The following ULBP3 variants were observed in gnomAD, a reference collection of about 807,000 sequenced individuals.
ULBP3 encodes UL16-binding protein 3.
In ULBP3, 25 loss-of-function variants were observed where a neutral mutation model predicts 24.9. That is an observed-to-expected ratio of 1.00 (90% CI 0.73 to 1.40). The LOEUF is 1.40. Ranked by LOEUF, ULBP3 falls within the 40% of genes most tolerant of loss-of-function variation. The probability of loss-of-function intolerance (pLI) is 0.00; values close to 1 mark genes in which losing one functional copy is unlikely to be tolerated. For missense variants in ULBP3, 306 were observed against 307.5 expected (o/e 1.00, Z 0.04); for synonymous variants, 114 against 114.7 (o/e 0.99, Z 0.04).
At chr6:150,068,307 G>A (rs186012215) in intron 1 of ULBP3, among the ~76,000 whole-genome samples, 136 of 152,234 alleles carry the variant, frequency 8.9e-4, no homozygotes, top group African/African-American at 3.1e-3. Context: ...CCACAGGCAG[G>A]GTAGGACACA....
At chr6:150,068,891 A>G in intron 1 of ULBP3, 88 bp downstream of exon 1, 1 of 1,372,758 alleles carries the variant, frequency 7.3e-7, no homozygotes, top group Non-Finnish European at 9.8e-7. Context: ...CGGTCCTTCT[A>G]GAAGGCTTCC....
At position 150,069,003 on chromosome 6, in the gene ULBP3, C is replaced by A; in HGVS notation, c.64G>T (p.Asp22Tyr). 1 of 1,612,132 alleles carries A rather than the reference C, an allele frequency of 6.2e-7. No individual in the cohort carries two copies. The change falls in exon 1 of 5, where the codon GAC (aspartate) becomes TAC (tyrosine). Residue 22 changes from aspartate to tyrosine, a missense_variant. By Grantham distance (160) the Asp-to-Tyr change is radical. Transcript: ENST00000367339. ...RLAILPYLLF[D>Y]WSGTGRADAH... ...CCGGCCCGCCCCGTCCCGGACCAGT[C>A]GAATAGCAGGTACGGAAGAATCGCG... is the stretch of plus-strand genomic sequence containing the variant.
chr6:150,064,521 C>G (rs1393647289), intron 4 of ULBP3, 64 bp downstream of exon 4: 10 of 1,453,636 alleles, frequency 6.9e-6, no homozygotes, highest in Admixed American at 1.7e-5. Flanking sequence ...TGGAAATTCT[C>G]CTTTCCCTTC....
At position 150,062,290 on chromosome 6, in the gene ULBP3, A is replaced by G. The variant is rs1440936915; in HGVS notation, c.*1084T>C. On this transcript the variant is annotated 3_prime_UTR_variant, in exon 5 of 5. Transcript: ENST00000367339. ...TTGTTTTTAGTGTCTTCTTCATGAA[A>G]TCTTTGCCAGGCCCTATGTCCACAT... Among the ~76,000 whole-genome samples the G allele has an allele frequency of 6.6e-6, 1 of 152,146 alleles. No individual in the cohort carries two copies. The highest frequency in any genetic ancestry group is 1.5e-5 in the Non-Finnish European group (1 of 68,014).
rs533399803 is a variant in ULBP3 at position 150,068,822 on chromosome 6, C to T, written c.88+157G>A. ...CAAGCAGCAGCCGCAGGAAGCGGACCTGGCGAAAAAGAGCAGCGAATCGGA... is the reference window on the plus strand; with the variant it reads ...CAAGCAGCAGCCGCAGGAAGCGGACTTGGCGAAAAAGAGCAGCGAATCGGA... On this transcript the variant is annotated intron_variant, in intron 1 of 4. Transcript: ENST00000367339. 2.0e-5 allele frequency among the ~76,000 whole-genome samples: 3 copies of T among 152,354 alleles called. No individual in the cohort carries two copies. In the South Asian group the frequency reaches 6.2e-4, roughly 32 times the overall value.
chr6:150,065,336 A>G, intron 3 of ULBP3, 62 bp downstream of exon 3: 1 of 1,594,680 alleles, frequency 6.3e-7, no homozygotes, highest in Middle Eastern at 1.7e-4. Flanking sequence ...TCAGACACTG[A>G]CAGACAAGGG....
intron 1 of ULBP3, among the ~76,000 whole-genome samples, chr6:150,067,421 G>C (rs145336283): frequency 6.6e-6 from 1 of 152,156 alleles, no homozygotes; most frequent in Admixed American, 6.5e-5. Flanking sequence ...TGTGTGATCC[G>C]AGCTCTTCCC....
intron 4 of ULBP3, among the ~76,000 whole-genome samples, chr6:150,064,021 G>A (rs1776310048): frequency 6.6e-6 from 1 of 152,286 alleles, no homozygotes; most frequent in Non-Finnish European, 1.5e-5. Context: ...TCCTGGACAC[G>A]CTCTACTCTT....
Position 150,069,092 on chromosome 6 carries a change from A to T in ULBP3, c.-26T>A, listed in dbSNP as rs780049513. On this transcript the variant is annotated 5_prime_UTR_variant, in exon 1 of 5. Transcript: ENST00000367339. ...TGTAGACCAGGAGCGCCCGGGACAC[A>T]AGGCGCAGTCGATGTGGAGACCAGC... The T allele has an allele frequency of 6.2e-7, 1 of 1,603,800 alleles. No homozygotes were observed. Among genetic ancestry groups the T allele is most frequent in the East Asian group, 2.2e-5 (1 of 44,560 alleles).
intron 4 of ULBP3, among the ~76,000 whole-genome samples, chr6:150,063,808 A>G (rs1374570012): frequency 6.6e-6 from 1 of 152,138 alleles, no homozygotes; most frequent in East Asian, 1.9e-4. Context: ...GCCCTGCCCC[A>G]TTCATTCCTG....
intron 3 of ULBP3, 29 bp downstream of exon 3, chr6:150,065,369 C>T: frequency 6.2e-7 from 1 of 1,611,124 alleles, no homozygotes; most frequent in Non-Finnish European, 8.5e-7. Flanking sequence ...GCATCTCCAA[C>T]ATGCTCCCAG....
At position 150,068,897 on chromosome 6, in the gene ULBP3, C is replaced by A. The variant is rs562539605; in HGVS notation, c.88+82G>T. ...AGATCGCGCCGGTCCTTCTAGAAGG[C>A]TTCCCTCCTCTGAAACCCGCTGCAG... On this transcript the variant is annotated intron_variant, in intron 1 of 4. Transcript: ENST00000367339. 2.0e-3 allele frequency: 2,845 copies of A among 1,406,064 alleles called. 4 individuals are homozygous for A. The highest frequency in any genetic ancestry group is 3.0e-3 in the Admixed American group (123 of 41,554). The allele number at this position is 1,406,064 out of a possible 1,614,324, so 87.1% of individuals were successfully genotyped here. A position where few individuals can be genotyped will look rare whatever the true frequency, so the allele number is the denominator to read the frequency against.
chr6:150,068,631 C>G (rs1776382085), intron 1 of ULBP3, among the ~76,000 whole-genome samples: 1 of 152,230 alleles, frequency 6.6e-6, no homozygotes, highest in African/African-American at 2.4e-5. Flanking sequence ...TGTCTTGACC[C>G]CAGCTCGGGT....
At chr6:150,066,197 G>A (rs771596350) in intron 1 of ULBP3, 35 bp from the exon 2 acceptor site, 1 of 1,600,904 alleles carries the variant, frequency 6.2e-7, no homozygotes, top group South Asian at 1.1e-5. Flanking sequence ...AGAGAGTGTT[G>A]GGGTGGGGGA....
At position 150,065,647 on chromosome 6, in the gene ULBP3, A is replaced by T. The variant is rs200023001; in HGVS notation, c.379T>A (p.Ser127Thr). The T allele has an allele frequency of 1.9e-6, 3 of 1,614,194 alleles. No individual in the cohort carries two copies. Among genetic ancestry groups the T allele is most frequent in the Admixed American group, 1.7e-5 (1 of 60,022 alleles). ...TATCCATCGGCTTCACACTCACAAGACATCCTGACCTGCAGCGTGAGGGGT... is the reference window on the plus strand; with the variant it reads ...TATCCATCGGCTTCACACTCACAAGTCATCCTGACCTGCAGCGTGAGGGGT... ...SGPLTLQVRM[S>T]CECEADGYIR... The change falls in exon 3 of 5, where the codon TCT (serine) becomes ACT (threonine). Residue 127 changes from serine to threonine, a missense_variant. Transcript: ENST00000367339.
rs1019440678 is a variant in ULBP3 at position 150,062,947 on chromosome 6, A to G, written c.*427T>C. 1.3e-4 allele frequency among the ~76,000 whole-genome samples: 19 copies of G among 151,624 alleles called. No homozygotes were observed. Among genetic ancestry groups the G allele is most frequent in the African/African-American group, 4.6e-4 (19 of 41,318 alleles). ...GAAACCCTGTCTCTACTAAAAATAC[A>G]AAAAATTAGCCGGGCGCGGTGGCGG... On this transcript the variant is annotated 3_prime_UTR_variant, in exon 5 of 5. Transcript: ENST00000367339.
At chr6:150,067,710 G>C (rs753504163) in intron 1 of ULBP3, among the ~76,000 whole-genome samples, 1 of 152,190 alleles carries the variant, frequency 6.6e-6, no homozygotes, top group Non-Finnish European at 1.5e-5. Context: ...TCTGTGATGA[G>C]GGGTGTGGCT....
chr6:150,069,043 C>T lies in ULBP3; in HGVS notation c.24G>A (p.Ala8=). The T allele has an allele frequency of 6.2e-7, 1 of 1,612,022 alleles. No individual in the cohort carries two copies. Among genetic ancestry groups the T allele is most frequent in the Non-Finnish European group, 8.5e-7 (1 of 1,179,426 alleles). The part of the protein sequence containing the change: MAAAASP[A]ILPRLAILPY... Reference sequence around the variant, plus strand: ...GAAGAATCGCGAGGCGCGGAAGGATCGCGGGGCTGGCGGCCGCTGCCATTG... The same window carrying T: ...GAAGAATCGCGAGGCGCGGAAGGATTGCGGGGCTGGCGGCCGCTGCCATTG... The change falls in exon 1 of 5, where the codon GCG becomes GCA. Residue 8 remains alanine, a synonymous_variant. Transcript: ENST00000367339.
Position 150,065,386 on chromosome 6 carries a change from CCT to C in ULBP3, c.628+10_628+11del, listed in dbSNP as rs567313341. Reference sequence around the variant, plus strand: ...ATCTCCAACATGCTCCCAGTGCTCCCCTGTCAGTTACCTGTGGGTTCCAGCCT... The same window carrying C: ...ATCTCCAACATGCTCCCAGTGCTCCCGTCAGTTACCTGTGGGTTCCAGCCT... On this transcript the variant is annotated intron_variant, in intron 3 of 4. Coordinates refer to ENST00000367339, the MANE Select transcript of ULBP3 (RefSeq NM_024518.3). 310 of 1,613,220 alleles carry C rather than the reference CCT, an allele frequency of 1.9e-4. No homozygotes were observed. In the African/African-American group the frequency reaches 3.6e-3, roughly 19 times the overall value.
Sources: allele counts gnomAD v4.1 joint callset (sites outside exome capture counted in the v4.1 genomes callset), GRCh38; gene constraint gnomAD v4.1.1; transcripts MANE v1.5; gene names NCBI Gene and HGNC (gene_info 2026-07-23, HGNC 2026-07-21).